ESRP1: variants seen among roughly 807,000 people sequenced by gnomAD.
The protein encoded by ESRP1 is epithelial splicing regulatory protein 1.
Under a neutral mutation model 81.7 loss-of-function variants are expected in ESRP1, and 33 were observed. That is an observed-to-expected ratio of 0.40 (90% CI 0.31 to 0.54). The LOEUF is 0.54. Among genes scored for constraint, ESRP1 ranks in the 20% least tolerant of loss-of-function variants. ESRP1 has a pLI of 0.41. For synonymous variants in ESRP1, 320 were observed against 303.3 expected (o/e 1.06, Z -0.57); for missense variants, 672 against 833.1 (o/e 0.81, Z 2.38).
intron 4 of ESRP1, among the ~76,000 whole-genome samples, chr8:94,655,687 T>A (rs1301805397): frequency 6.6e-6 from 1 of 151,708 alleles, no homozygotes; most frequent in Non-Finnish European, 1.5e-5. Flanking sequence ...AGCTCAGGAG[T>A]TTGAGACCAG....
At chr8:94,655,473 A>G (rs946379627) in intron 4 of ESRP1, among the ~76,000 whole-genome samples, 1 of 147,626 alleles carries the variant, frequency 6.8e-6, no homozygotes, top group Non-Finnish European at 1.5e-5. Flanking sequence ...CCCGCATTTT[A>G]TTGCTGGTGT....
At chr8:94,683,239 C>T (rs1215905520) in intron 13 of ESRP1, among the ~76,000 whole-genome samples, 4 of 151,870 alleles carry the variant, frequency 2.6e-5, no homozygotes, top group African/African-American at 7.3e-5. Context: ...CCACCGCGCC[C>T]GGCCTATGAA....
intron 13 of ESRP1, among the ~76,000 whole-genome samples, chr8:94,681,339 A>C: frequency 7.0e-6 from 1 of 142,188 alleles, no homozygotes; most frequent in South Asian, 2.3e-4. Context: ...AAAAAAAAAA[A>C]AAAAAAAAAA....
intron 12 of ESRP1, among the ~76,000 whole-genome samples, chr8:94,676,461 C>T (rs1586222956): frequency 6.6e-6 from 1 of 151,698 alleles, no homozygotes; most frequent in Non-Finnish European, 1.5e-5. Flanking sequence ...AACAGACTTA[C>T]ACCTACTATG....
At chr8:94,688,440 G>C in intron 13 of ESRP1, 1 of 272,980 alleles carries the variant, frequency 3.7e-6, no homozygotes, top group Non-Finnish European at 7.2e-6. Flanking sequence ...TTAAACAAGT[G>C]TGATCATCCT....
At chr8:94,700,260 A>T (rs1444864669) in intron 15 of ESRP1, among the ~76,000 whole-genome samples, 1 of 152,158 alleles carries the variant, frequency 6.6e-6, no homozygotes, top group Non-Finnish European at 1.5e-5. Context: ...ATTACCTTCT[A>T]TGGAAAAAGC....
intron 9 of ESRP1, among the ~76,000 whole-genome samples, chr8:94,667,068 G>GGTGTGTGT (rs1163646804): frequency 0.075 from 10,791 of 144,186 alleles, 447 homozygotes; most frequent in Middle Eastern, 0.1. Flanking sequence ...CCAGGAGAGG[G>GGTGTGTGT]GTGTGTGTGT....
intron 4 of ESRP1, among the ~76,000 whole-genome samples, chr8:94,647,163 G>A (rs925353915): frequency 2.6e-5 from 4 of 151,976 alleles, no homozygotes; most frequent in Non-Finnish European, 5.9e-5. Flanking sequence ...AAGTTTGCTC[G>A]CATATATTTC....
intron 4 of ESRP1, among the ~76,000 whole-genome samples, chr8:94,654,257 G>T (rs1333984525): frequency 6.6e-6 from 1 of 152,184 alleles, no homozygotes; most frequent in African/African-American, 2.4e-5. Context: ...GGCGGAGGTT[G>T]CGGTGAGTCA....
At chr8:94,680,394 G>C (rs1468597925) in intron 13 of ESRP1, among the ~76,000 whole-genome samples, 3 of 152,132 alleles carry the variant, frequency 2.0e-5, no homozygotes, top group Non-Finnish European at 4.4e-5. Flanking sequence ...AAAAGCATAT[G>C]CCAAAGATGT....
intron 10 of ESRP1, 27 bp downstream of exon 10, chr8:94,668,277 A>G (rs2130628381): frequency 6.5e-7 from 1 of 1,527,226 alleles, no homozygotes; most frequent in Non-Finnish European, 8.8e-7. Flanking sequence ...AGTATGTTGT[A>G]CCTTTGCATT....
At chr8:94,671,258 C>G (rs370621091) in intron 10 of ESRP1, among the ~76,000 whole-genome samples, 195 bp from the exon 11 acceptor site, 1 of 152,160 alleles carries the variant, frequency 6.6e-6, no homozygotes, top group East Asian at 1.9e-4. Context: ...GAATCCCTTT[C>G]TCCATTACTT....
intron 1 of ESRP1, 155 bp downstream of exon 1, chr8:94,641,605 C>T: frequency 9.2e-7 from 1 of 1,092,110 alleles, no homozygotes. Flanking sequence ...AGAGTAAAAC[C>T]AAACTTATTG....
intron 4 of ESRP1, chr8:94,649,392 T>C (rs1459158990): frequency 6.6e-6 from 1 of 151,916 alleles, no homozygotes; most frequent in Non-Finnish European, 1.5e-5. Context: ...TGAGATGTAG[T>C]CGTGCTATGT....
chr8:94,668,809 T>TGTGTGTGTGTGTGTGTGTGTGTGTGTG (rs1343600035), intron 10 of ESRP1, among the ~76,000 whole-genome samples: 1 of 39,082 alleles, frequency 2.6e-5, no homozygotes, highest in African/African-American at 7.3e-5. Context: ...GTGTGTGTGT[T>TGTGTGTGTGTGTGTGTGTGTGTGTGTG]TGAGATGGGG....
chr8:94,667,754 A>T (rs998325636), intron 9 of ESRP1, among the ~76,000 whole-genome samples, 195 bp from the exon 10 acceptor site: 1 of 152,202 alleles, frequency 6.6e-6, no homozygotes, highest in Non-Finnish European at 1.5e-5. Context: ...TAAATTAAGA[A>T]GGATGTTTTA....
Position 94,692,568 on chromosome 8 carries a change from A to G in ESRP1, c.1821-109A>G, listed in dbSNP as rs1809445385. The G allele has an allele frequency of 4.2e-6, 5 of 1,192,364 alleles. No individual in the cohort carries two copies. The Admixed American group carries it at 9.7e-5, about 23-fold the overall frequency. 73.9% of individuals were successfully genotyped at this position (1,192,364 alleles called of 1,614,324 possible). On this transcript the variant is annotated intron_variant, in intron 13 of 15. Coordinates refer to ENST00000433389, the MANE Select transcript of ESRP1 (RefSeq NM_017697.4). The stretch of plus-strand genomic sequence containing the variant: ...TAGGAAAGACAGCTCTGAGAAGTAT[A>G]AGAAAGGTTGCCTTGAGAAATTCTG...
At chr8:94,660,476 C>T (rs1356483899) in intron 4 of ESRP1, among the ~76,000 whole-genome samples, 2 of 151,514 alleles carry the variant, frequency 1.3e-5, no homozygotes, top group Admixed American at 6.6e-5. Context: ...CAGTGGCTCA[C>T]GCCTATAATC....
At chr8:94,646,141 A>G in intron 3 of ESRP1, 27 bp from the exon 4 acceptor site, 1 of 1,363,468 alleles carries the variant, frequency 7.3e-7, no homozygotes, top group African/African-American at 1.4e-5. Context: ...TCACCTAGTT[A>G]ACATTATCTA....
Sources: allele counts gnomAD v4.1 joint callset (sites outside exome capture counted in the v4.1 genomes callset), GRCh38; gene constraint gnomAD v4.1.1; transcripts MANE v1.5; gene names NCBI Gene and HGNC (gene_info 2026-07-23, HGNC 2026-07-21).